Variants in DTD1 observed in about 807,000 individuals in gnomAD.
The protein encoded by DTD1 is D-tyrosyl-tRNA deacylase 1 homolog.
A neutral mutation model predicts 25.6 loss-of-function variants in DTD1; 13 were observed. The ratio of observed to expected loss-of-function variants is 0.51; its 90% confidence interval spans 0.33 to 0.81. DTD1 has a LOEUF of 0.81. Among genes scored for constraint, DTD1 ranks in the 30% least tolerant of loss-of-function variants. DTD1 has a pLI of 0.02. For missense variants in DTD1, 193 were observed against 266.4 expected (o/e 0.72, Z 1.92); for synonymous variants, 110 against 103.6 (o/e 1.06, Z -0.37).
At chr20:18,697,163 C>T (rs1268432099) in intron 4 of DTD1, among the ~76,000 whole-genome samples, 3 of 150,818 alleles carry the variant, frequency 2.0e-5, no homozygotes, top group Non-Finnish European at 4.4e-5. Flanking sequence ...ACCTGGGAGG[C>T]GGAGCTTGCA....
intron 4 of DTD1, among the ~76,000 whole-genome samples, chr20:18,730,144 A>G (rs6081330): frequency 0.33 from 49,567 of 152,000 alleles, 8,470 homozygotes; most frequent in Non-Finnish European, 0.38. Context: ...TATTTTCCCT[A>G]TCAACACCTC....
chr20:18,708,219 A>ATATATAT, intron 4 of DTD1, among the ~76,000 whole-genome samples: 1 of 40,704 alleles, frequency 2.5e-5, no homozygotes, highest in African/African-American at 9.7e-5. Flanking sequence ...TATATATATA[A>ATATATAT]TATATATATA....
chr20:18,662,823 C>T (rs568336568), intron 4 of DTD1, among the ~76,000 whole-genome samples: 40 of 152,208 alleles, frequency 2.6e-4, no homozygotes, highest in African/African-American at 7.9e-4. Context: ...CTTCTTGTCA[C>T]ATTGTTGAAT....
At chr20:18,659,134 A>G (rs1188921472) in intron 4 of DTD1, among the ~76,000 whole-genome samples, 1 of 152,262 alleles carries the variant, frequency 6.6e-6, no homozygotes, top group Non-Finnish European at 1.5e-5. Context: ...AAGAATTTAT[A>G]TTTTCAAAAC....
chr20:18,607,948 AG>A (rs2060668337), intron 3 of DTD1, among the ~76,000 whole-genome samples: 1 of 152,128 alleles, frequency 6.6e-6, no homozygotes, highest in East Asian at 1.9e-4. Context: ...TCCTGACCTC[AG>A]GTGATGCACC....
chr20:18,708,277 A>ATTTTAT (rs376267580), intron 4 of DTD1, among the ~76,000 whole-genome samples: 1 of 15,588 alleles, frequency 6.4e-5, no homozygotes, highest in African/African-American at 1.8e-4. Flanking sequence ...ATATATATAT[A>ATTTTAT]ATATATATTA....
intron 5 of DTD1, among the ~76,000 whole-genome samples, chr20:18,762,004 C>A (rs937079831): frequency 6.6e-6 from 1 of 152,140 alleles, no homozygotes; most frequent in East Asian, 1.9e-4. Context: ...GAGGGTAGCC[C>A]TTGGGGATAT....
chr20:18,620,835 C>T (rs2060731102), intron 3 of DTD1, among the ~76,000 whole-genome samples: 1 of 152,244 alleles, frequency 6.6e-6, no homozygotes, highest in Middle Eastern at 3.4e-3. Context: ...TCAAGTGATC[C>T]TCCTGCCTCT....
chr20:18,627,060 C>G (rs2060762285), intron 3 of DTD1, among the ~76,000 whole-genome samples: 2 of 152,208 alleles, frequency 1.3e-5, no homozygotes, highest in African/African-American at 2.4e-5. Flanking sequence ...GATAGGAGGT[C>G]ACGGAAAGTC....
At position 18,681,199 on chromosome 20, in the gene DTD1, G is replaced by C. The variant is rs1322551876; in HGVS notation, c.477+52966G>C. ...ACACACCCTCATGCAGGAGACTCCTGACTGGGGATGGGAAGCTGTCATCTC... is the reference window on the plus strand; with the variant it reads ...ACACACCCTCATGCAGGAGACTCCTCACTGGGGATGGGAAGCTGTCATCTC... On this transcript the variant is annotated intron_variant, in intron 4 of 5. Coordinates refer to ENST00000377452, the MANE Select transcript of DTD1 (RefSeq NM_080820.6). Among the ~76,000 whole-genome samples, 4 of 152,174 alleles carry C rather than the reference G, an allele frequency of 2.6e-5. No homozygotes were observed. The East Asian group carries it at 7.7e-4, about 29-fold the overall frequency.
intron 4 of DTD1, among the ~76,000 whole-genome samples, chr20:18,657,240 A>G (rs573839542): frequency 1.3e-5 from 2 of 152,198 alleles, no homozygotes; most frequent in Non-Finnish European, 2.9e-5. Flanking sequence ...GAGAGTGCCT[A>G]CTTTGCCGAT....
At chr20:18,669,504 C>A (rs1200750326) in intron 4 of DTD1, among the ~76,000 whole-genome samples, 1 of 152,200 alleles carries the variant, frequency 6.6e-6, no homozygotes, top group Non-Finnish European at 1.5e-5. Context: ...CTCTTGGGAT[C>A]TACCCCCTTT....
At chr20:18,666,121 GTTTTTCACCACC>G (rs1568662795) in intron 4 of DTD1, among the ~76,000 whole-genome samples, 15 of 152,210 alleles carry the variant, frequency 9.9e-5, no homozygotes, top group Admixed American at 9.2e-4. Flanking sequence ...GCCTTTCCTT[GTTTTTCACCACC>G]TTGACAGTCT....
chr20:18,708,284 A>ATTATATATATATT (rs2061140994), intron 4 of DTD1, among the ~76,000 whole-genome samples: 3 of 20,334 alleles, frequency 1.5e-4, no homozygotes, highest in African/African-American at 3.8e-4. Context: ...TATAATATAT[A>ATTATATATATATT]TTATATATAT....
rs148913385 is a variant in DTD1, at chr20:18,715,334, C to T, written c.478-28766C>T. 3.3e-4 allele frequency among the ~76,000 whole-genome samples: 50 copies of T among 152,272 alleles called. No individual in the cohort carries two copies. In the East Asian group the frequency reaches 9.5e-3, roughly 29 times the overall value. ...GATGGTGTGCTCCAGGCTGAGTCAG[C>T]CTCCCCACCCACCCTAGCAGTTGGG... On this transcript the variant is annotated intron_variant, in intron 4 of 5. Transcript: ENST00000377452.
intron 5 of DTD1, among the ~76,000 whole-genome samples, chr20:18,744,636 CAA>C (rs796918448): frequency 7.1e-4 from 8 of 11,330 alleles, no homozygotes; most frequent in African/African-American, 1.3e-3. Flanking sequence ...GACTCCATCT[CAA>C]AAAAAAAAAA....
chr20:18,761,073 G>T (rs567674209), intron 5 of DTD1, among the ~76,000 whole-genome samples: 2 of 152,302 alleles, frequency 1.3e-5, no homozygotes, highest in South Asian at 4.1e-4. Context: ...CGTTTGCTAA[G>T]ACCATTGCAA....
At chr20:18,706,689 A>G (rs2061127777) in intron 4 of DTD1, among the ~76,000 whole-genome samples, 1 of 152,206 alleles carries the variant, frequency 6.6e-6, no homozygotes, top group Non-Finnish European at 1.5e-5. Context: ...AGCACAGAAA[A>G]TGACCTTTTA....
chr20:18,754,325 A>G (rs1385558772), intron 5 of DTD1, among the ~76,000 whole-genome samples: 1 of 152,190 alleles, frequency 6.6e-6, no homozygotes, highest in African/African-American at 2.4e-5. Context: ...CAGCAGGTGG[A>G]GGAAACTGGT....
Sources: gnomAD v4.1 joint callset for allele counts (sites outside exome capture counted in the v4.1 genomes callset) on GRCh38, gnomAD v4.1.1 for gene constraint, MANE v1.5 for transcripts, NCBI Gene and HGNC (gene_info 2026-07-23, HGNC 2026-07-21) for gene names.